The following ANO2 variants were observed in gnomAD, a reference collection of about 807,000 sequenced individuals.
ANO2 encodes anoctamin 2.
In ANO2, 101 loss-of-function variants were observed where a neutral mutation model predicts 124.2. That is an observed-to-expected ratio of 0.81 (90% confidence interval 0.69 to 0.96). The LOEUF (loss-of-function observed/expected upper bound fraction) is 0.96, where lower values mean the gene tolerates loss of function less well. Ranked by LOEUF, ANO2 falls within the 40% of genes least tolerant of loss-of-function variation. The pLI is 0.00. For missense variants in ANO2, 1,293 were observed against 1,274.5 expected (o/e 1.01, Z -0.22); for synonymous variants, 486 against 482.5 (o/e 1.01, Z -0.09).
intron 10 of ANO2, among the ~76,000 whole-genome samples, chr12:5,763,634 A>C (rs1268768590): frequency 6.6e-6 from 1 of 152,178 alleles, no homozygotes; most frequent in Non-Finnish European, 1.5e-5. Flanking sequence ...AAAGAAAATC[A>C]GAAAATATTT....
chr12:5,763,651 C>T (rs566717260), intron 10 of ANO2, among the ~76,000 whole-genome samples: 52 of 152,088 alleles, frequency 3.4e-4, no homozygotes, highest in Non-Finnish European at 7.1e-4. Flanking sequence ...ATTTTCAATT[C>T]AGCGAAAATA....
intron 14 of ANO2, among the ~76,000 whole-genome samples, chr12:5,719,211 T>C (rs1452605797): frequency 6.6e-6 from 1 of 152,208 alleles, no homozygotes; most frequent in African/African-American, 2.4e-5. Context: ...TTCACTTCTT[T>C]GCCTAAAGGT....
At chr12:5,606,454 G>T (rs957955849) in intron 19 of ANO2, among the ~76,000 whole-genome samples, 1 of 152,194 alleles carries the variant, frequency 6.6e-6, no homozygotes, top group African/African-American at 2.4e-5. Context: ...CCTTGGAGAG[G>T]AAATAATGTC....
At chr12:5,923,271 C>CACACAT (rs1941921198) in intron 1 of ANO2, among the ~76,000 whole-genome samples, 1 of 144,196 alleles carries the variant, frequency 6.9e-6, no homozygotes, top group African/African-American at 2.6e-5. Context: ...CACACACACA[C>CACACAT]ACACACACGC....
chr12:5,621,941 T>G (rs1945138392), intron 16 of ANO2, among the ~76,000 whole-genome samples: 1 of 152,130 alleles, frequency 6.6e-6, no homozygotes, highest in Non-Finnish European at 1.5e-5. Flanking sequence ...CTTTTTCCTT[T>G]TTTCAATAGG....
chr12:5,818,241 A>T (rs1254567615), intron 7 of ANO2, among the ~76,000 whole-genome samples: 1 of 151,914 alleles, frequency 6.6e-6, no homozygotes, highest in Non-Finnish European at 1.5e-5. Context: ...GCACCATCTA[A>T]TCAGCTGCCA....
At chr12:5,939,198 A>G (rs1190148196) in intron 1 of ANO2, among the ~76,000 whole-genome samples, 2 of 128,632 alleles carry the variant, frequency 1.6e-5, no homozygotes, top group African/African-American at 5.8e-5. Context: ...GCCTAGTGAC[A>G]GAGCAAGACT....
In ANO2 at chr12:5,779,612, C is replaced by G. The variant is rs1295638071; in HGVS notation, c.1055+19895G>C. 3.9e-5 allele frequency among the ~76,000 whole-genome samples: 6 copies of G among 152,178 alleles called. 1 individual carries two copies. Among genetic ancestry groups the G allele is most frequent in the Admixed American group, 3.9e-4 (6 of 15,280 alleles). On this transcript the variant is annotated intron_variant, in intron 10 of 24. Coordinates refer to ENST00000682330, the MANE Select transcript of ANO2 (RefSeq NM_001364791.2). ...AATAATTACAAAGGAAGACCAGTAG[C>G]CTCACAGTGGAGGAATCTGGCAGAG... is the stretch of plus-strand genomic sequence containing the variant.
At chr12:5,751,877 T>C (rs1202594798) in intron 10 of ANO2, among the ~76,000 whole-genome samples, 1 of 151,596 alleles carries the variant, frequency 6.6e-6, no homozygotes, top group African/African-American at 2.4e-5. Context: ...CAATATCTCC[T>C]CATTTTCCCC....
intron 3 of ANO2, among the ~76,000 whole-genome samples, chr12:5,915,296 TA>T (rs1941314925): frequency 6.6e-6 from 1 of 152,214 alleles, no homozygotes; most frequent in Non-Finnish European, 1.5e-5. Flanking sequence ...AGACATTTGA[TA>T]AAATGCTGAA....
chr12:5,776,224 C>T (rs974560041), intron 10 of ANO2, among the ~76,000 whole-genome samples: 3 of 152,176 alleles, frequency 2.0e-5, no homozygotes, highest in Admixed American at 6.5e-5. Context: ...ACACCCTATC[C>T]CATGCAATCT....
chr12:5,697,972 T>A (rs973275939), intron 14 of ANO2, among the ~76,000 whole-genome samples: 1 of 152,170 alleles, frequency 6.6e-6, no homozygotes, highest in African/African-American at 2.4e-5. Context: ...TCAAACTGGG[T>A]GGAGCTCACC....
intron 10 of ANO2, among the ~76,000 whole-genome samples, chr12:5,774,098 T>G (rs1203250409): frequency 2.0e-5 from 3 of 152,148 alleles, no homozygotes; most frequent in African/African-American, 7.2e-5. Context: ...ACTTTGCTAT[T>G]CCATAATGTG....
At chr12:5,566,144 C>T (rs933857432) in intron 23 of ANO2, among the ~76,000 whole-genome samples, 3 of 152,284 alleles carry the variant, frequency 2.0e-5, no homozygotes, top group South Asian at 2.1e-4. Context: ...TTCAGGACTA[C>T]GGCCACTAGA....
At chr12:5,934,247 C>A (rs756523587) in intron 1 of ANO2, among the ~76,000 whole-genome samples, 20 of 152,178 alleles carry the variant, frequency 1.3e-4, no homozygotes, top group Middle Eastern at 3.2e-3. Context: ...TGTCCAAGAT[C>A]ACCAGCACAC....
At chr12:5,691,259 C>T (rs1249387642) in intron 14 of ANO2, among the ~76,000 whole-genome samples, 3 of 129,548 alleles carry the variant, frequency 2.3e-5, no homozygotes, top group Admixed American at 9.4e-5. Flanking sequence ...ACTTGGGAGG[C>T]GGAGGTTGCA....
chr12:5,867,470 C>T (rs1266213273), intron 3 of ANO2, among the ~76,000 whole-genome samples: 3 of 152,140 alleles, frequency 2.0e-5, no homozygotes, highest in African/African-American at 7.2e-5. Context: ...CTAGAAAGTC[C>T]TAGGAAAAAT....
At chr12:5,659,463 C>A (rs1244683066) in intron 14 of ANO2, among the ~76,000 whole-genome samples, 1 of 152,184 alleles carries the variant, frequency 6.6e-6, no homozygotes, top group South Asian at 2.1e-4. Context: ...ACCCTCGAAG[C>A]CTTCCAGCAG....
Position 5,590,003 on chromosome 12 carries a change from G to A in ANO2, c.2233+9481C>T, listed in dbSNP as rs189841231. Among the ~76,000 whole-genome samples the A allele has an allele frequency of 3.3e-4, 50 of 152,074 alleles. No individual in the cohort carries two copies. In the East Asian group the frequency reaches 8.5e-3, roughly 26 times the overall value. On this transcript the variant is annotated intron_variant, in intron 20 of 24. Transcript: ENST00000682330. ...GGAATAAATGAGGCAGTGGCGAGACGGTGGTGGCTGCAAGTGGCTGTGTTG... is the reference window on the plus strand; with the variant it reads ...GGAATAAATGAGGCAGTGGCGAGACAGTGGTGGCTGCAAGTGGCTGTGTTG...
Sources: gnomAD v4.1 joint callset for allele counts (sites outside exome capture counted in the v4.1 genomes callset) on GRCh38, gnomAD v4.1.1 for gene constraint, MANE v1.5 for transcripts, NCBI Gene and HGNC (gene_info 2026-07-23, HGNC 2026-07-21) for gene names.